ARRB1: variants seen among roughly 807,000 people sequenced by gnomAD.
ARRB1 encodes the protein beta-arrestin-1.
Under a neutral mutation model 56.8 loss-of-function variants are expected in ARRB1, and 21 were observed. The ratio of observed to expected loss-of-function variants is 0.37; its 90% CI spans 0.26 to 0.53. The LOEUF (loss-of-function observed/expected upper bound fraction) is 0.53. Ranked by LOEUF, ARRB1 falls within the 20% of genes least tolerant of loss-of-function variation. The pLI is 0.88. For missense variants in ARRB1, 424 were observed against 553.7 expected (o/e 0.77, Z 2.35); for synonymous variants, 210 against 218.6 (o/e 0.96, Z 0.35).
rs142431380 is a variant in ARRB1 at position 75,287,747 on chromosome 11, G to A, written c.52-372C>T. Among the ~76,000 whole-genome samples the A allele has an allele frequency of 9.8e-5, 15 of 152,364 alleles. No homozygotes were observed. In the East Asian group the frequency reaches 2.7e-3, roughly 27 times the overall value. ...AGAGGGTGAGAGCCCCCAGGCAGGC[G>A]GGAGCGCTGAGCCCTCAGAGGCTCT... On this transcript the variant is annotated intron_variant, in intron 2 of 15. Coordinates refer to ENST00000420843, the MANE Select transcript of ARRB1 (RefSeq NM_004041.5).
chr11:75,320,011 G>A lies in ARRB1; in HGVS notation c.21-29972C>T, dbSNP rs570391035. Among the ~76,000 whole-genome samples the A allele has an allele frequency of 3.9e-5, 6 of 152,280 alleles. No homozygotes were observed. In the East Asian group the frequency reaches 9.7e-4, roughly 25 times the overall value. On this transcript the variant is annotated intron_variant, in intron 1 of 15. Coordinates refer to ENST00000420843, the MANE Select transcript of ARRB1 (RefSeq NM_004041.5). ...TTGGCTGTGAACTCCCCAGGAAACC[G>A]AAGCCCCATCGGGGACAGGGATGAG...
intron 2 of ARRB1, among the ~76,000 whole-genome samples, chr11:75,289,053 G>A (rs1946546858): frequency 6.6e-6 from 1 of 152,190 alleles, no homozygotes; most frequent in East Asian, 1.9e-4. Flanking sequence ...GGGCTGAGAA[G>A]GAATCTAAGA....
At chr11:75,301,938 C>T (rs956927920) in intron 1 of ARRB1, among the ~76,000 whole-genome samples, 4 of 152,128 alleles carry the variant, frequency 2.6e-5, no homozygotes, top group African/African-American at 4.8e-5. Context: ...CAGAGATTTC[C>T]GGAGCCTGAG....
intron 6 of ARRB1, chr11:75,281,470 T>C (rs949076352): frequency 7.1e-6 from 3 of 420,532 alleles, no homozygotes; most frequent in South Asian, 3.2e-5. Flanking sequence ...GGGCGCCTAC[T>C]ACTGTGTGCA....
intron 4 of ARRB1, 87 bp downstream of exon 4, chr11:75,284,148 G>A: frequency 7.3e-7 from 1 of 1,366,134 alleles, no homozygotes; most frequent in South Asian, 1.4e-5. Flanking sequence ...GGGAACCAGT[G>A]GGGATGGGCA....
intron 1 of ARRB1, among the ~76,000 whole-genome samples, chr11:75,336,611 G>T (rs550487528): frequency 2.0e-5 from 3 of 152,278 alleles, no homozygotes; most frequent in African/African-American, 7.2e-5. Context: ...CCTGAGATGC[G>T]AGACTGAGAC....
At chr11:75,293,355 C>G (rs1190815443) in intron 1 of ARRB1, among the ~76,000 whole-genome samples, 1 of 152,186 alleles carries the variant, frequency 6.6e-6, no homozygotes, top group African/African-American at 2.4e-5. Context: ...GAGCCCATGT[C>G]CTTTCCACTC....
At chr11:75,310,700 T>C (rs1482853623) in intron 1 of ARRB1, among the ~76,000 whole-genome samples, 1 of 152,116 alleles carries the variant, frequency 6.6e-6, no homozygotes, top group Admixed American at 6.5e-5. Context: ...TGTCTGATTA[T>C]CAGCAGGAGG....
At chr11:75,279,974 G>A (rs548624410) in intron 7 of ARRB1, among the ~76,000 whole-genome samples, 18 of 152,280 alleles carry the variant, frequency 1.2e-4, no homozygotes, top group African/African-American at 4.3e-4. Flanking sequence ...CAGCAAGGAC[G>A]TACTTCTTAG....
At chr11:75,282,093 A>C (rs1946356206) in intron 5 of ARRB1, 72 bp from the exon 6 acceptor site, 1 of 1,511,982 alleles carries the variant, frequency 6.6e-7, no homozygotes, top group Non-Finnish European at 9.2e-7. Flanking sequence ...TGCAGCCCAG[A>C]CACTCCCATA....
intron 1 of ARRB1, among the ~76,000 whole-genome samples, chr11:75,295,912 C>A (rs981025324): frequency 2.0e-5 from 3 of 152,174 alleles, no homozygotes; most frequent in Non-Finnish European, 2.9e-5. Context: ...TGGCTGGGCA[C>A]AGTGGCTCAT....
intron 1 of ARRB1, among the ~76,000 whole-genome samples, chr11:75,294,301 G>T (rs550610703): frequency 3.9e-5 from 6 of 152,242 alleles, no homozygotes; most frequent in African/African-American, 1.4e-4. Flanking sequence ...AGCACTTTGG[G>T]ATCATGCCTG....
rs1015270905 is a variant in ARRB1, at chr11:75,306,546, G to T, written c.21-16507C>A. 3.3e-6 allele frequency: 4 copies of T among 1,221,770 alleles called. No homozygotes were observed. The East Asian group carries it at 2.3e-4, about 69-fold the overall frequency. 75.7% of individuals were successfully genotyped at this position (1,221,770 alleles called of 1,614,324 possible). ...AACTTCCTGGTGAGTCAGATAGAAA[G>T]TCTTACCCCATTTTACAGATGAGAG... On this transcript the variant is annotated intron_variant, in intron 1 of 15. Coordinates refer to ENST00000420843, the MANE Select transcript of ARRB1 (RefSeq NM_004041.5).
chr11:75,301,059 G>A (rs1946893955), intron 1 of ARRB1, among the ~76,000 whole-genome samples: 1 of 151,222 alleles, frequency 6.6e-6, no homozygotes, highest in Non-Finnish European at 1.5e-5. Flanking sequence ...CAGGAGAATC[G>A]CTTGAACCCA....
At chr11:75,341,256 G>A (rs1486351909) in intron 1 of ARRB1, among the ~76,000 whole-genome samples, 1 of 152,064 alleles carries the variant, frequency 6.6e-6, no homozygotes, top group Non-Finnish European at 1.5e-5. Context: ...TCCCACCTCA[G>A]CCTCCCTGGT....
intron 1 of ARRB1, among the ~76,000 whole-genome samples, chr11:75,322,046 C>T (rs925540069): frequency 1.3e-5 from 2 of 152,238 alleles, no homozygotes; most frequent in Non-Finnish European, 2.9e-5. Context: ...TATATGGTGA[C>T]TCTCACAATA....
At chr11:75,267,951 T>C (rs1945969712) in intron 14 of ARRB1, among the ~76,000 whole-genome samples, 1 of 152,238 alleles carries the variant, frequency 6.6e-6, no homozygotes. Context: ...GAAAATCCTC[T>C]AAACTTCTGT....
intron 1 of ARRB1, among the ~76,000 whole-genome samples, chr11:75,301,652 A>G (rs1322480419): frequency 1.3e-5 from 2 of 152,196 alleles, no homozygotes; most frequent in African/African-American, 2.4e-5. Context: ...GCCACCCTAC[A>G]TTCTGACCCA....
chr11:75,329,224 C>A (rs12418211), intron 1 of ARRB1, among the ~76,000 whole-genome samples: 1 of 151,906 alleles, frequency 6.6e-6, no homozygotes, highest in Non-Finnish European at 1.5e-5. Flanking sequence ...CCTCAGCCGC[C>A]TGAGTAGCTG....
Sources: gnomAD v4.1 joint callset for allele counts (sites outside exome capture counted in the v4.1 genomes callset) on GRCh38, gnomAD v4.1.1 for gene constraint, MANE v1.5 for transcripts, NCBI Gene and HGNC (gene_info 2026-07-23, HGNC 2026-07-21) for gene names.